CBX6: variants seen among roughly 807,000 people sequenced by gnomAD.
CBX6 encodes chromobox 6, also known as chromobox protein homolog 6.
In CBX6, 7 loss-of-function variants were observed where a neutral mutation model predicts 28.4. That is an observed-to-expected ratio of 0.25 (90% confidence interval 0.14 to 0.46). The LOEUF (loss-of-function observed/expected upper bound fraction) is 0.46. Ranked by LOEUF, CBX6 falls within the 20% of genes least tolerant of loss-of-function variation. CBX6 has a pLI of 0.99. For missense variants in CBX6, 512 were observed against 606.1 expected (o/e 0.84, Z 1.63); for synonymous variants, 297 against 273.4 (o/e 1.09, Z -0.85).
intron 4 of CBX6, 27 bp from the exon 5 acceptor site, chr22:38,867,228 G>GGGGGTGGGGGGGGGGGGGGGGGC: frequency 5.8e-6 from 3 of 518,862 alleles, no homozygotes; most frequent in Admixed American, 2.4e-5. Context: ...GGGTGGGTGG[G>GGGGGTGGGGGGGGGGGGGGGGGC]ACCTCAGGAC....
Position 38,871,642 on chromosome 22 carries a change from C to T in CBX6, c.179+50G>A. The T allele has an allele frequency of 6.2e-7, 1 of 1,611,678 alleles. No individual in the cohort carries two copies. Among genetic ancestry groups the T allele is most frequent in the Non-Finnish European group, 8.5e-7 (1 of 1,178,668 alleles). On this transcript the variant is annotated intron_variant, in intron 3 of 4. Coordinates refer to ENST00000407418, the MANE Select transcript of CBX6 (RefSeq NM_014292.5). The surrounding 1 kb of genome is among the most constrained non-coding windows in gnomAD (Gnocchi z 5.6). ...CTCTCCCGCTTCCCCGCGCGGCGCC[C>T]CAGCCGAGCCTCGGCCTCGCAGCCC...
intron 4 of CBX6, among the ~76,000 whole-genome samples, chr22:38,868,138 A>G (rs145145038): frequency 6.6e-6 from 1 of 152,280 alleles, no homozygotes; most frequent in East Asian, 1.9e-4. Flanking sequence ...ATGCCACTAA[A>G]TGGAGAGAGG....
Position 38,866,389 on chromosome 22 carries a change from G to A in CBX6, c.1059C>T (p.Pro353=), listed in dbSNP as rs767467737. The A allele has an allele frequency of 3.7e-6, 6 of 1,613,316 alleles. No homozygotes were observed. The South Asian group carries it at 5.5e-5, about 15-fold the overall frequency. The part of the protein sequence containing the change: ...APEPAGASSE[P]EAGDWRPEMS... ...TCTCGGGGCGCCAGTCCCCAGCCTC[G>A]GGCTCGGAGGAGGCACCGGCGGGCT... The change falls in exon 5 of 5, where the codon CCC becomes CCT. Residue 353 remains proline, a synonymous_variant. Coordinates refer to ENST00000407418, the MANE Select transcript of CBX6 (RefSeq NM_014292.5). This position sits in a 1 kb window ranked among gnomAD's most constrained non-coding sequence, Gnocchi z 7.5.
At chr22:38,869,143 C>CT (rs1244157746) in intron 4 of CBX6, among the ~76,000 whole-genome samples, 3 of 152,202 alleles carry the variant, frequency 2.0e-5, no homozygotes, top group African/African-American at 7.2e-5. Context: ...AAAGCCCAGG[C>CT]TTTTTTGGCG....
In CBX6 at chr22:38,866,195, TTGG is replaced by T; in HGVS notation, c.*11_*13del. The T allele has an allele frequency of 6.6e-7, 1 of 1,511,618 alleles. No homozygotes were observed. Among genetic ancestry groups the T allele is most frequent in the Non-Finnish European group, 9.1e-7 (1 of 1,099,156 alleles). 93.6% of individuals were successfully genotyped at this position (1,511,618 alleles called of 1,614,324 possible). A position where few individuals can be genotyped will look rare whatever the true frequency, so the allele number is the denominator to read the frequency against. The stretch of plus-strand genomic sequence containing the variant: ...GGAGGGCCCCCCCAAGCCCCCCTCC[TTGG>T]TGGAGCCCCCTCACTTGCTCGCCCC... On this transcript the variant is annotated 3_prime_UTR_variant, in exon 5 of 5. Coordinates refer to ENST00000407418, the MANE Select transcript of CBX6 (RefSeq NM_014292.5). The surrounding 1 kb of genome is among the most constrained non-coding windows in gnomAD (Gnocchi z 7.5).
chr22:38,868,420 A>G (rs738143), intron 4 of CBX6, among the ~76,000 whole-genome samples: 128,799 of 152,232 alleles, frequency 0.85, 54,941 homozygotes, highest in African/African-American at 0.96. Context: ...CTAAGTAGGA[A>G]AAAGTCCTGG....
chr22:38,865,761 C>G lies in CBX6; in HGVS notation c.*448G>C, dbSNP rs77471411. Reference sequence around the variant, plus strand: ...GGCCTCTGCCTGGGACTTTGCCAAACAGGCAGGAAGCCCTCCTCCTGCCTA... The same window carrying G: ...GGCCTCTGCCTGGGACTTTGCCAAAGAGGCAGGAAGCCCTCCTCCTGCCTA... On this transcript the variant is annotated 3_prime_UTR_variant, in exon 5 of 5. Transcript: ENST00000407418. The G allele has an allele frequency of 3.0e-3, 507 of 169,572 alleles. 1 individual carries two copies. Among genetic ancestry groups the G allele is most frequent in the African/African-American group, 0.012 (493 of 41,968 alleles). The allele number at this position is 169,572 out of a possible 1,614,324, so 10.5% of individuals were successfully genotyped here. A position where few individuals can be genotyped will look rare whatever the true frequency, so the allele number is the denominator to read the frequency against.
In CBX6 at chr22:38,867,184, C is replaced by T. The variant is rs1399456667; in HGVS notation, c.264G>A (p.Glu88=). Residue 88 remains glutamate (E), a synonymous_variant, in exon 5 of 5, where the codon GAG becomes GAA. Coordinates refer to ENST00000407418, the MANE Select transcript of CBX6 (RefSeq NM_014292.5). The stretch of plus-strand genomic sequence containing the variant: ...AATGCACATCACTGATGCGGAGGGC[C>T]TCGGCCTGGGCCCGCGCCTGCGGGC... ...TFLLKARAQA[E]ALRISDVHFS... 1.5e-6 allele frequency: 2 copies of T among 1,340,508 alleles called. No individual in the cohort carries two copies. Among genetic ancestry groups the T allele is most frequent in the Middle Eastern group, 2.0e-4 (1 of 4,954 alleles). The allele number at this position is 1,340,508 out of a possible 1,614,324, so 83.0% of individuals were successfully genotyped here.
rs962158073 is a variant in CBX6 at position 38,865,005 on chromosome 22, G to C, written c.*1204C>G. On this transcript the variant is annotated 3_prime_UTR_variant, in exon 5 of 5. Coordinates refer to ENST00000407418, the MANE Select transcript of CBX6 (RefSeq NM_014292.5). ...GGGAAACAGAAGCTGCCCAGGACAC[G>C]GGAGCCTCCTTTGCTTCAGGCAGGC... is the stretch of plus-strand genomic sequence containing the variant. 1.3e-5 allele frequency: 2 copies of C among 152,342 alleles called. No individual in the cohort carries two copies. Among genetic ancestry groups the C allele is most frequent in the Non-Finnish European group, 2.9e-5 (2 of 68,098 alleles). The allele number at this position is 152,342 out of a possible 1,614,324, so 9.4% of individuals were successfully genotyped here.
intron 4 of CBX6, among the ~76,000 whole-genome samples, chr22:38,867,643 G>A (rs2093173814): frequency 6.6e-6 from 1 of 152,190 alleles, no homozygotes; most frequent in East Asian, 1.9e-4. Context: ...GGACTCATTC[G>A]TGGTGACAGA....
Position 38,862,655 on chromosome 22 carries a change from C to T in CBX6, c.*3554G>A, listed in dbSNP as rs990092320. On this transcript the variant is annotated 3_prime_UTR_variant, in exon 5 of 5. Coordinates refer to ENST00000407418, the MANE Select transcript of CBX6 (RefSeq NM_014292.5). ...AGGGGGATGTGTCCTCTTGGGTCCC[C>T]ATAGGCCAGAGAGGCTGGTAGCAGT... is the stretch of plus-strand genomic sequence containing the variant. The T allele has an allele frequency of 4.6e-5, 7 of 152,220 alleles. No individual in the cohort carries two copies. Among genetic ancestry groups the T allele is most frequent in the African/African-American group, 1.7e-4 (7 of 41,422 alleles). 9.4% of individuals were successfully genotyped at this position (152,220 alleles called of 1,614,324 possible).
Position 38,867,214 on chromosome 22 carries a change from G to A in CBX6, c.247-13C>T. 6.6e-7 allele frequency: 1 copy of A among 1,526,342 alleles called. No homozygotes were observed. The highest frequency in any genetic ancestry group is 8.8e-7 in the Non-Finnish European group (1 of 1,140,524). The allele number at this position is 1,526,342 out of a possible 1,614,324, so 94.5% of individuals were successfully genotyped here. On this transcript the variant is annotated splice_polypyrimidine_tract_variant and intron_variant, in intron 4 of 4. Coordinates refer to ENST00000407418, the MANE Select transcript of CBX6 (RefSeq NM_014292.5). ...CCTGGGCCCGCGCCTGCGGGCAGAG[G>A]GAGGGGTGGGTGGGACCTCAGGACT...
Position 38,867,012 on chromosome 22 carries a change from G to C in CBX6, c.436C>G (p.Leu146Val). 5 of 1,606,394 alleles carry C rather than the reference G, an allele frequency of 3.1e-6. No individual in the cohort carries two copies. The highest frequency in any genetic ancestry group is 4.2e-6 in the Non-Finnish European group (5 of 1,177,652). The change falls in exon 5 of 5, where the codon CTG becomes GTG. Residue 146 changes from leucine (L) to valine (V), a missense_variant. Physicochemically the swap from Leu to Val is conservative, Grantham distance 32. Around this residue, in one of 7 missense-constraint regions of CBX6, gnomAD observed 123 missense variants for 138.1 expected, o/e 0.89. Transcript: ENST00000407418. ...RPDPQGGSPG[L>V]RPPISPFSET... is the part of the protein sequence containing the mutation. ...GAGAAGGGCGAAATGGGCGGGCGCAGTCCGGGGCTGCCCCCCTGCGGGTCC... is the reference window on the plus strand; with the variant it reads ...GAGAAGGGCGAAATGGGCGGGCGCACTCCGGGGCTGCCCCCCTGCGGGTCC...
Position 38,863,913 on chromosome 22 carries a change from C to A in CBX6, c.*2296G>T, listed in dbSNP as rs1273267639. ...AAACCAAACTGCCCACTCACCAGCC[C>A]CCTGGAGAAAATCACCAGTGACAAC... On this transcript the variant is annotated 3_prime_UTR_variant, in exon 5 of 5. Coordinates refer to ENST00000407418, the MANE Select transcript of CBX6 (RefSeq NM_014292.5). 3 of 152,236 alleles carry A rather than the reference C, an allele frequency of 2.0e-5. No individual in the cohort carries two copies. Among genetic ancestry groups the A allele is most frequent in the Non-Finnish European group, 2.9e-5 (2 of 68,082 alleles). The allele number at this position is 152,236 out of a possible 1,614,324, so 9.4% of individuals were successfully genotyped here.
At chr22:38,867,286 A>T (rs951901364) in intron 4 of CBX6, 85 bp from the exon 5 acceptor site, 12 of 1,196,596 alleles carry the variant, frequency 1.0e-5, no homozygotes, top group Non-Finnish European at 1.1e-5. Context: ...AGCCCTAAGT[A>T]GAGCCTCTCA....
In CBX6 at chr22:38,861,664, G is replaced by C. The variant is rs930345946; in HGVS notation, c.*4545C>G. On this transcript the variant is annotated 3_prime_UTR_variant, in exon 5 of 5. Coordinates refer to ENST00000407418, the MANE Select transcript of CBX6 (RefSeq NM_014292.5). ...CCAACTAAGCGTCTTCTCCACAGGG[G>C]GAGGGGCAGGGTGGACTGGGGGACC... 1.3e-5 allele frequency: 2 copies of C among 152,184 alleles called. No homozygotes were observed. The highest frequency in any genetic ancestry group is 4.8e-5 in the African/African-American group (2 of 41,416). 9.4% of individuals were successfully genotyped at this position (152,184 alleles called of 1,614,324 possible). A position where few individuals can be genotyped will look rare whatever the true frequency, so the allele number is the denominator to read the frequency against.
Position 38,872,099 on chromosome 22 carries a change from G to A in CBX6, c.69+23C>T. On this transcript the variant is annotated intron_variant, in intron 1 of 4. Coordinates refer to ENST00000407418, the MANE Select transcript of CBX6 (RefSeq NM_014292.5). The surrounding 1 kb of genome is among the most constrained non-coding windows in gnomAD (Gnocchi z 5.0). ...CCGGCCCCGGCTGCGGACAGCGGCG[G>A]CCCGCCCCGGGCGGCGGCTCACCTT... 2.2e-6 allele frequency: 3 copies of A among 1,360,766 alleles called. No homozygotes were observed. The highest frequency in any genetic ancestry group is 2.9e-6 in the Non-Finnish European group (3 of 1,044,728). 84.3% of individuals were successfully genotyped at this position (1,360,766 alleles called of 1,614,324 possible).
intron 4 of CBX6, among the ~76,000 whole-genome samples, chr22:38,868,417 G>A (rs1302733935): frequency 6.6e-6 from 1 of 152,218 alleles, no homozygotes; most frequent in Non-Finnish European, 1.5e-5. Context: ...CACCTAAGTA[G>A]GAAAAAGTCC....
rs1283364829 is a variant in CBX6, at chr22:38,871,851, G to C, written c.113+51C>G. ...AGCGCGCACCCCCACCCCAGGCCCC[G>C]GTGCCCGCTGCCTCCCCTCCCGCGA... On this transcript the variant is annotated intron_variant, in intron 2 of 4. Transcript: ENST00000407418. This position sits in a 1 kb window ranked among gnomAD's most constrained non-coding sequence, Gnocchi z 5.6. The C allele has an allele frequency of 1.3e-6, 2 of 1,513,622 alleles. No homozygotes were observed. Among genetic ancestry groups the C allele is most frequent in the Non-Finnish European group, 1.8e-6 (2 of 1,112,996 alleles). 93.8% of individuals were successfully genotyped at this position (1,513,622 alleles called of 1,614,324 possible).
Sources: allele counts gnomAD v4.1 joint callset (sites outside exome capture counted in the v4.1 genomes callset), GRCh38; gene constraint gnomAD v4.1.1; regional missense constraint gnomAD v4.1.1; non-coding constraint Gnocchi (gnomAD v3.1); transcripts MANE v1.5; gene names NCBI Gene and HGNC (gene_info 2026-07-23, HGNC 2026-07-21).